The following CDYL2 variants were observed in gnomAD, a reference collection of about 807,000 sequenced individuals.
The protein encoded by CDYL2 is chromodomain Y like 2.
Under a neutral mutation model 49.4 loss-of-function variants are expected in CDYL2, and 23 were observed. The ratio of observed to expected loss-of-function variants is 0.47; its 90% CI spans 0.34 to 0.66. The LOEUF (loss-of-function observed/expected upper bound fraction) is 0.66, where lower values mean the gene tolerates loss of function less well. Among genes scored for constraint, CDYL2 ranks in the 30% least tolerant of loss-of-function variants. The pLI is 0.01. For synonymous variants in CDYL2, 360 were observed against 268.8 expected, an observed-to-expected ratio of 1.34 and a Z score of -3.32; for missense variants, 678 against 656.4, an observed-to-expected ratio of 1.03 and a Z score of -0.36.
intron 1 of CDYL2, among the ~76,000 whole-genome samples, chr16:80,746,816 T>C (rs533488347): frequency 6.6e-6 from 1 of 152,346 alleles, no homozygotes; most frequent in East Asian, 1.9e-4. Context: ...TAACCCATTA[T>C]TGTTGGCTGA....
intron 3 of CDYL2, chr16:80,627,810 T>G (rs1907369356): frequency 6.6e-6 from 1 of 152,356 alleles, no homozygotes; most frequent in East Asian, 1.9e-4. Context: ...CTATGCATTT[T>G]GAAGTCCTAA....
intron 1 of CDYL2, among the ~76,000 whole-genome samples, chr16:80,737,305 T>C (rs1905570900): frequency 1.3e-5 from 2 of 152,314 alleles, no homozygotes; most frequent in East Asian, 1.9e-4. Flanking sequence ...TTTTACTTAA[T>C]GTGCTGCTCT....
intron 2 of CDYL2, among the ~76,000 whole-genome samples, chr16:80,651,537 G>A (rs762744785): frequency 1.4e-4 from 21 of 152,110 alleles, no homozygotes; most frequent in African/African-American, 1.7e-4. Context: ...GACATTAAGC[G>A]CTTGTCAAAT....
At chr16:80,705,453 G>A (rs1167727921) in intron 1 of CDYL2, among the ~76,000 whole-genome samples, 1 of 152,204 alleles carries the variant, frequency 6.6e-6, no homozygotes, top group Non-Finnish European at 1.5e-5. Context: ...CTTCCTTCTA[G>A]GGAGCCCATC....
chr16:80,771,557 T>C (rs962091615), intron 1 of CDYL2, among the ~76,000 whole-genome samples: 1 of 152,000 alleles, frequency 6.6e-6, no homozygotes, highest in African/African-American at 2.4e-5. Context: ...ATACAAAAAT[T>C]AGCCAGGTGT....
At chr16:80,701,631 C>T (rs746023643) in intron 1 of CDYL2, among the ~76,000 whole-genome samples, 4 of 152,240 alleles carry the variant, frequency 2.6e-5, no homozygotes, top group Non-Finnish European at 5.9e-5. Flanking sequence ...CAAAATTCTA[C>T]TGAGATGTTT....
intron 1 of CDYL2, among the ~76,000 whole-genome samples, chr16:80,714,898 C>T (rs777003344): frequency 1.9e-4 from 29 of 152,066 alleles, no homozygotes; most frequent in Non-Finnish European, 3.8e-4. Flanking sequence ...GCAGATTTCT[C>T]GAGCAGGATT....
At chr16:80,707,970 C>A (rs937270867) in intron 1 of CDYL2, among the ~76,000 whole-genome samples, 7 of 152,028 alleles carry the variant, frequency 4.6e-5, no homozygotes, top group Admixed American at 3.3e-4. Flanking sequence ...TTAAGTTTAT[C>A]CAGAAAGAAA....
chr16:80,709,199 T>C (rs867637927), intron 1 of CDYL2, among the ~76,000 whole-genome samples: 1 of 152,100 alleles, frequency 6.6e-6, no homozygotes, highest in East Asian at 1.9e-4. Context: ...CTGGCCAACA[T>C]GGCGAAACCC....
intron 2 of CDYL2, among the ~76,000 whole-genome samples, chr16:80,676,474 T>C (rs1909747669): frequency 6.6e-6 from 1 of 152,130 alleles, no homozygotes; most frequent in African/African-American, 2.4e-5. Context: ...GTGGGGCCAC[T>C]GCCGATGACA....
At chr16:80,693,802 A>T (rs975110924) in intron 1 of CDYL2, among the ~76,000 whole-genome samples, 2 of 152,156 alleles carry the variant, frequency 1.3e-5, no homozygotes. Context: ...AGACCACAAA[A>T]AAAGAGTGAC....
intron 1 of CDYL2, among the ~76,000 whole-genome samples, chr16:80,790,337 G>A (rs981563748): frequency 6.6e-6 from 1 of 152,164 alleles, no homozygotes; most frequent in African/African-American, 2.4e-5. Flanking sequence ...TGCCATCTCT[G>A]CCATGTGTGA....
intron 1 of CDYL2, among the ~76,000 whole-genome samples, chr16:80,773,326 A>T (rs1419960390): frequency 6.6e-6 from 1 of 152,196 alleles, no homozygotes; most frequent in Non-Finnish European, 1.5e-5. Flanking sequence ...ATACCAAAAT[A>T]CAAAATGTAA....
intron 2 of CDYL2, among the ~76,000 whole-genome samples, chr16:80,648,297 T>C (rs559135200): frequency 8.4e-4 from 128 of 152,022 alleles, no homozygotes; most frequent in Non-Finnish European, 1.3e-3. Flanking sequence ...CCCAAATTAA[T>C]AACAGAGATG....
chr16:80,719,641 G>T (rs1343787954), intron 1 of CDYL2, among the ~76,000 whole-genome samples: 1 of 152,156 alleles, frequency 6.6e-6, no homozygotes, highest in Non-Finnish European at 1.5e-5. Flanking sequence ...ACCTTGGGTT[G>T]CCCAGGAGAA....
At chr16:80,639,207 C>G (rs1333904305) in intron 2 of CDYL2, among the ~76,000 whole-genome samples, 1 of 152,154 alleles carries the variant, frequency 6.6e-6, no homozygotes, top group South Asian at 2.1e-4. Context: ...ACACCAATAG[C>G]TGGAGAGGAT....
chr16:80,732,483 T>G (rs767397879), intron 1 of CDYL2, among the ~76,000 whole-genome samples: 1 of 152,172 alleles, frequency 6.6e-6, no homozygotes, highest in Non-Finnish European at 1.5e-5. Context: ...TATAAACATA[T>G]AAGCTTGAAT....
At chr16:80,783,070 G>A (rs944574237) in intron 1 of CDYL2, among the ~76,000 whole-genome samples, 4 of 152,038 alleles carry the variant, frequency 2.6e-5, no homozygotes, top group Admixed American at 2.0e-4. Context: ...TACAATTTGT[G>A]TGCATCAAAG....
At chr16:80,804,662 C>A (rs1208320494), upstream of CDYL2, among the ~76,000 whole-genome samples, 1 of 146,066 alleles carries the variant, frequency 6.8e-6, no homozygotes, top group Non-Finnish European at 1.5e-5. Flanking sequence ...GGGGCTGCTG[C>A]CCGGCCGCGC....
Sources: gnomAD v4.1 joint callset for allele counts (sites outside exome capture counted in the v4.1 genomes callset) on GRCh38, gnomAD v4.1.1 for gene constraint, MANE v1.5 for transcripts, NCBI Gene and HGNC (gene_info 2026-07-23, HGNC 2026-07-21) for gene names.